The following CAMTA1 variants were observed in gnomAD, a reference collection of about 807,000 sequenced individuals.
CAMTA1 encodes the protein calmodulin binding transcription activator 1.
A neutral mutation model predicts 170.9 loss-of-function variants in CAMTA1; 27 were observed. That is an observed-to-expected ratio of 0.16 (90% CI 0.12 to 0.22). CAMTA1 has a LOEUF of 0.22. Ranked by LOEUF, CAMTA1 falls within the 10% of genes least tolerant of loss-of-function variation. The pLI, the probability that CAMTA1 is intolerant of heterozygous loss-of-function variation, is 1.00. For missense variants in CAMTA1, 1,619 were observed against 2,217.2 expected, an observed-to-expected ratio of 0.73 and a Z score of 5.42; for synonymous variants, 833 against 891.5, an observed-to-expected ratio of 0.93 and a Z score of 1.17.
At chr1:6,976,189 T>C (rs903769116) in intron 3 of CAMTA1, among the ~76,000 whole-genome samples, 11 of 152,114 alleles carry the variant, frequency 7.2e-5, no homozygotes, top group Non-Finnish European at 1.3e-4. Flanking sequence ...CCCCGCTGAG[T>C]CTTTCTTGGG....
chr1:7,246,703 G>A (rs896893972), intron 4 of CAMTA1, among the ~76,000 whole-genome samples: 1 of 42,718 alleles, frequency 2.3e-5, no homozygotes, highest in Non-Finnish European at 4.2e-5. Context: ...GACATGCTTT[G>A]TGCCCCAGGC....
rs79003990 is a variant in CAMTA1 at position 7,261,537 on chromosome 1, T to A, written c.438+11911T>A. 8.8e-3 allele frequency among the ~76,000 whole-genome samples: 1,344 copies of A among 152,318 alleles called. 18 individuals carry two copies. The highest frequency in any genetic ancestry group is 0.039 in the Admixed American group (604 of 15,300). On this transcript the variant is annotated intron_variant, in intron 5 of 22. Coordinates refer to ENST00000303635, the MANE Select transcript of CAMTA1 (RefSeq NM_015215.4). ...TAGAATGTTACCCTGAACCAATTCATGCAGAAGCCAACAAGGCCGCCAAGC... is the reference window on the plus strand; with the variant it reads ...TAGAATGTTACCCTGAACCAATTCAAGCAGAAGCCAACAAGGCCGCCAAGC...
At chr1:7,016,862 A>G (rs1183126964) in intron 3 of CAMTA1, among the ~76,000 whole-genome samples, 12 of 152,158 alleles carry the variant, frequency 7.9e-5, no homozygotes, top group Admixed American at 7.2e-4. Context: ...GGAAAAGAAA[A>G]AAAAGATTCA....
chr1:7,733,204 A>AAAG (rs1222824611), intron 12 of CAMTA1, among the ~76,000 whole-genome samples: 9 of 152,180 alleles, frequency 5.9e-5, no homozygotes, highest in South Asian at 4.2e-4. Context: ...CCTGTCTCAA[A>AAAG]AAGAAGAAGA....
chr1:7,591,286 G>A lies in CAMTA1; in HGVS notation c.511-49114G>A, dbSNP rs189586681. Among the ~76,000 whole-genome samples the A allele has an allele frequency of 2.6e-5, 4 of 152,328 alleles. No homozygotes were observed. In the East Asian group the frequency reaches 7.7e-4, roughly 29 times the overall value. On this transcript the variant is annotated intron_variant, in intron 6 of 22. Coordinates refer to ENST00000303635, the MANE Select transcript of CAMTA1 (RefSeq NM_015215.4). The stretch of plus-strand genomic sequence containing the variant: ...AGTTGCACAAAATCGGAGGCCCTGG[G>A]TCATAACGAAGTTCAGATCAATTAA...
intron 5 of CAMTA1, among the ~76,000 whole-genome samples, chr1:7,270,906 T>C (rs1375592957): frequency 6.6e-6 from 1 of 152,216 alleles, no homozygotes; most frequent in African/African-American, 2.4e-5. Flanking sequence ...CAAACACTTA[T>C]GGGAAAGTTA....
chr1:7,596,540 C>G (rs2095401618), intron 6 of CAMTA1, among the ~76,000 whole-genome samples: 1 of 152,238 alleles, frequency 6.6e-6, no homozygotes, highest in Non-Finnish European at 1.5e-5. Context: ...TGTGCTGTGG[C>G]CTTCCCTCCA....
At position 7,534,609 on chromosome 1, in the gene CAMTA1, C is replaced by T. The variant is rs556663657; in HGVS notation, c.510+66708C>T. On this transcript the variant is annotated intron_variant, in intron 6 of 22. Coordinates refer to ENST00000303635, the MANE Select transcript of CAMTA1 (RefSeq NM_015215.4). This position sits in a 1 kb window ranked among gnomAD's most constrained non-coding sequence, Gnocchi z 5.6. ...CTGTCTTTGTCTGGCATGTCCTCGGCGGCACGGGCTGTGGCCGCAGAAGGC... is the reference window on the plus strand; with the variant it reads ...CTGTCTTTGTCTGGCATGTCCTCGGTGGCACGGGCTGTGGCCGCAGAAGGC... 4.6e-5 allele frequency among the ~76,000 whole-genome samples: 7 copies of T among 152,282 alleles called. No individual in the cohort carries two copies. The highest frequency in any genetic ancestry group is 9.6e-5 in the African/African-American group (4 of 41,554).
intron 5 of CAMTA1, among the ~76,000 whole-genome samples, chr1:7,375,940 T>G (rs1251020633): frequency 6.6e-6 from 1 of 152,158 alleles, no homozygotes; most frequent in African/African-American, 2.4e-5. Context: ...CAAGGGCCAC[T>G]CTGCTCTTCC....
At chr1:7,709,236 A>G (rs887496304) in intron 11 of CAMTA1, among the ~76,000 whole-genome samples, 4 of 152,230 alleles carry the variant, frequency 2.6e-5, no homozygotes, top group African/African-American at 9.6e-5. Flanking sequence ...CCTAAGCTGT[A>G]TCTTCTACTA....
At chr1:7,500,380 T>C (rs1375028793) in intron 6 of CAMTA1, among the ~76,000 whole-genome samples, 4 of 151,842 alleles carry the variant, frequency 2.6e-5, no homozygotes, top group Non-Finnish European at 5.9e-5. Flanking sequence ...AGTGTGTGTG[T>C]GCATGTGTGT....
At chr1:7,047,309 C>T (rs1057268719) in intron 3 of CAMTA1, among the ~76,000 whole-genome samples, 5 of 152,172 alleles carry the variant, frequency 3.3e-5, no homozygotes, top group Admixed American at 6.5e-5. Context: ...TTTCTCCCTT[C>T]GGTGAGAAGG....
At chr1:7,442,739 TTAAGAG>T (rs546687694) in intron 5 of CAMTA1, among the ~76,000 whole-genome samples, 38 of 152,306 alleles carry the variant, frequency 2.5e-4, no homozygotes, top group African/African-American at 8.2e-4. Flanking sequence ...TGGGTTGTTG[TTAAGAG>T]TAAATGAGAC....
At chr1:7,566,083 G>A (rs1383620073) in intron 6 of CAMTA1, among the ~76,000 whole-genome samples, 2 of 152,146 alleles carry the variant, frequency 1.3e-5, no homozygotes, top group Admixed American at 1.3e-4. Context: ...TTCAACATAT[G>A]GATGTGGCAG....
intron 5 of CAMTA1, among the ~76,000 whole-genome samples, chr1:7,418,326 G>C (rs1055025081): frequency 6.6e-6 from 1 of 152,144 alleles, no homozygotes; most frequent in African/African-American, 2.4e-5. Context: ...CTCCCAAATA[G>C]CTGGGATTAC....
At position 7,736,467 on chromosome 1, in the gene CAMTA1, C is replaced by G; in HGVS notation, c.3190C>G (p.Arg1064Gly). 6.2e-7 allele frequency: 1 copy of G among 1,614,118 alleles called. No individual in the cohort carries two copies. ...SKHLIHSKTFRGMTLLHLAAA... is the reference protein window; with the variant it reads ...SKHLIHSKTFGGMTLLHLAAA... ...GCACTTGATCCACTCAAAGACTTTC[C>G]GCGGAATGACCCTACTCCACCTGGC... is the stretch of plus-strand genomic sequence containing the variant. Residue 1064 changes from arginine to glycine, a missense_variant, in exon 13 of 23, where the codon CGC (arginine) becomes GGC (glycine). Physicochemically the swap from Arg to Gly is moderately radical, Grantham distance 125. Transcript: ENST00000303635. The surrounding 1 kb of genome is among the most constrained non-coding windows in gnomAD (Gnocchi z 4.5).
At chr1:7,302,899 G>A (rs1674996755) in intron 5 of CAMTA1, among the ~76,000 whole-genome samples, 1 of 152,204 alleles carries the variant, frequency 6.6e-6, no homozygotes, top group South Asian at 2.1e-4. Context: ...GTCATTTTGG[G>A]GAGATGAACA....
intron 4 of CAMTA1, among the ~76,000 whole-genome samples, chr1:7,203,016 A>G (rs1656996966): frequency 6.6e-6 from 1 of 152,180 alleles, no homozygotes; most frequent in Admixed American, 6.5e-5. Context: ...GGACTTTTGT[A>G]GGTGTCCTTT....
In CAMTA1 at chr1:7,766,824, C is replaced by T. The variant is rs1175392998; in HGVS notation, c.*333C>T. On this transcript the variant is annotated 3_prime_UTR_variant, in exon 23 of 23. Coordinates refer to ENST00000303635, the MANE Select transcript of CAMTA1 (RefSeq NM_015215.4). ...CTTCTCAGGAAGAAGCCATTTCCTT[C>T]TCATATAGGGCTGTATTCAAACATC... The T allele has an allele frequency of 6.2e-6, 2 of 321,036 alleles. No individual in the cohort carries two copies. Among genetic ancestry groups the T allele is most frequent in the Non-Finnish European group, 1.2e-5 (2 of 170,322 alleles). 19.9% of individuals were successfully genotyped at this position (321,036 alleles called of 1,614,324 possible). A position where few individuals can be genotyped will look rare whatever the true frequency, so the allele number is the denominator to read the frequency against.
Sources: allele counts gnomAD v4.1 joint callset (sites outside exome capture counted in the v4.1 genomes callset), GRCh38; gene constraint gnomAD v4.1.1; non-coding constraint Gnocchi (gnomAD v3.1); transcripts MANE v1.5; gene names NCBI Gene and HGNC (gene_info 2026-07-23, HGNC 2026-07-21).